RBM33: variants seen among roughly 807,000 people sequenced by gnomAD.
RBM33 encodes RNA-binding protein 33.
Under a neutral mutation model 132.6 loss-of-function variants are expected in RBM33, and 28 were observed. The ratio of observed to expected loss-of-function variants is 0.21; its 90% CI spans 0.16 to 0.29. RBM33 has a LOEUF of 0.29. Ranked by LOEUF, RBM33 falls within the 10% of genes least tolerant of loss-of-function variation. The pLI, the probability that RBM33 is intolerant of heterozygous loss-of-function variation, is 1.00. For missense variants in RBM33, 1,291 were observed against 1,518.5 expected (o/e 0.85, Z 2.49); for synonymous variants, 634 against 593.0 (o/e 1.07, Z -1.01).
chr7:155,692,766 A>G (rs1326872996), intron 5 of RBM33, among the ~76,000 whole-genome samples: 1 of 152,254 alleles, frequency 6.6e-6, no homozygotes, highest in Non-Finnish European at 1.5e-5. Flanking sequence ...TCTTGACAGT[A>G]TTAAAAGCTT....
intron 14 of RBM33, among the ~76,000 whole-genome samples, chr7:155,751,532 G>A (rs1347885230): frequency 1.3e-5 from 2 of 152,168 alleles, no homozygotes; most frequent in African/African-American, 4.8e-5. Context: ...TAAATCTGCT[G>A]TTTCTTGCCC....
intron 6 of RBM33, among the ~76,000 whole-genome samples, chr7:155,702,869 CCCCAGGTAGCT>C (rs1239594638): frequency 6.6e-6 from 1 of 152,158 alleles, no homozygotes; most frequent in Non-Finnish European, 1.5e-5. Context: ...ACTGAGAACT[CCCCAGGTAGCT>C]ACAAGTTCTA....
intron 14 of RBM33, among the ~76,000 whole-genome samples, chr7:155,747,655 T>G (rs76100612): frequency 1.3e-5 from 2 of 152,324 alleles, no homozygotes; most frequent in East Asian, 3.9e-4. Flanking sequence ...ACAAAGGAAT[T>G]TTTCATGAAA....
chr7:155,683,409 CTG>C (rs1799389544), intron 5 of RBM33, among the ~76,000 whole-genome samples: 1 of 152,128 alleles, frequency 6.6e-6, no homozygotes, highest in Non-Finnish European at 1.5e-5. Context: ...ACTTGTATAA[CTG>C]TGATTTTTGT....
chr7:155,724,990 T>TTGTGTGTGTGTGTGTG lies in RBM33; in HGVS notation c.1260+6579_1260+6594dup, dbSNP rs56739117. Among the ~76,000 whole-genome samples, 4 of 123,366 alleles carry TTGTGTGTGTGTGTGTG rather than the reference T, an allele frequency of 3.2e-5. No homozygotes were observed. In the East Asian group the frequency reaches 6.8e-4, roughly 21 times the overall value. The allele number at this position is 123,366 out of a possible 152,430, so 80.9% of individuals were successfully genotyped here. On this transcript the variant is annotated intron_variant, in intron 9 of 17. Coordinates refer to ENST00000401878, the MANE Select transcript of RBM33 (RefSeq NM_053043.3). ...TTGCTGTAAACATTTGTGTACAGGT[T>TTGTGTGTGTGTGTGTG]TGTGTGTGTGTGTGTGTGTGTGTGT...
At chr7:155,656,751 T>G (rs1168496933) in intron 1 of RBM33, among the ~76,000 whole-genome samples, 2 of 152,224 alleles carry the variant, frequency 1.3e-5, no homozygotes, top group East Asian at 3.9e-4. Context: ...TGCATTAACA[T>G]GTAATACTGA....
At chr7:155,737,448 G>A (rs1407264215) in intron 9 of RBM33, 82 bp from the exon 10 acceptor site, 11 of 1,418,660 alleles carry the variant, frequency 7.8e-6, no homozygotes, top group Non-Finnish European at 1.0e-5. Flanking sequence ...GGAAAACTTG[G>A]AACCAGGTCT....
At chr7:155,697,235 T>G (rs1414880563) in intron 5 of RBM33, among the ~76,000 whole-genome samples, 1 of 152,164 alleles carries the variant, frequency 6.6e-6, no homozygotes, top group Non-Finnish European at 1.5e-5. Flanking sequence ...ATTCTTCAGG[T>G]AAGATTTGAC....
At chr7:155,733,113 T>C (rs1801005680) in intron 9 of RBM33, among the ~76,000 whole-genome samples, 1 of 152,126 alleles carries the variant, frequency 6.6e-6, no homozygotes, top group African/African-American at 2.4e-5. Context: ...CTGTAGTGAT[T>C]TTGCATTTTG....
rs535138011 is a variant in RBM33, at chr7:155,677,133, T to A, written c.172-1475T>A. 2.0e-5 allele frequency among the ~76,000 whole-genome samples: 3 copies of A among 152,268 alleles called. No individual in the cohort carries two copies. The East Asian group carries it at 5.8e-4, about 29-fold the overall frequency. ...GCCTGGCTCATAGCTCTCACTTTCA[T>A]AATGGCATTTCCTTTCAGTCTCAGA... On this transcript the variant is annotated intron_variant, in intron 3 of 17. Coordinates refer to ENST00000401878, the MANE Select transcript of RBM33 (RefSeq NM_053043.3).
At chr7:155,681,784 G>A (rs1398073796) in intron 5 of RBM33, among the ~76,000 whole-genome samples, 1 of 152,122 alleles carries the variant, frequency 6.6e-6, no homozygotes, top group African/African-American at 2.4e-5. Flanking sequence ...TCATTCGGAG[G>A]AAGCTTTTGT....
At chr7:155,693,322 ATTTTTTTTTCTT>A (rs780778209) in intron 5 of RBM33, among the ~76,000 whole-genome samples, 32 of 116,738 alleles carry the variant, frequency 2.7e-4, no homozygotes, top group Non-Finnish European at 4.4e-4. Flanking sequence ...CACTCTTGTG[ATTTTTTTTTCTT>A]TTTTTTTTTC....
At chr7:155,772,982 A>G (rs1802479934) in intron 16 of RBM33, among the ~76,000 whole-genome samples, 1 of 152,224 alleles carries the variant, frequency 6.6e-6, no homozygotes. Flanking sequence ...GTTATTTCAT[A>G]TACAGTGTAA....
chr7:155,759,413 TTC>T (rs1265496953), intron 14 of RBM33, among the ~76,000 whole-genome samples: 1 of 140,390 alleles, frequency 7.1e-6, no homozygotes, highest in Non-Finnish European at 1.5e-5. Flanking sequence ...AATGTTTATG[TTC>T]TTTTTTTTTT....
chr7:155,673,942 T>TGTTGTTTG (rs780547846), intron 3 of RBM33, among the ~76,000 whole-genome samples: 1,490 of 31,294 alleles, frequency 0.048, 267 homozygotes, highest in East Asian at 0.12. Flanking sequence ...TAGGCTTAGT[T>TGTTGTTTG]TTTTTTTTTT....
At chr7:155,771,336 G>A (rs1021640214) in intron 16 of RBM33, among the ~76,000 whole-genome samples, 1 of 152,162 alleles carries the variant, frequency 6.6e-6, no homozygotes, top group African/African-American at 2.4e-5. Flanking sequence ...GTCAAAAATG[G>A]TTGAATATTG....
intron 7 of RBM33, among the ~76,000 whole-genome samples, chr7:155,709,245 C>T (rs931593531): frequency 1.3e-5 from 2 of 151,988 alleles, no homozygotes; most frequent in African/African-American, 4.8e-5. Context: ...AGGTACAGTG[C>T]ACTGTTACAG....
chr7:155,769,295 GA>G (rs1212471129), intron 16 of RBM33, among the ~76,000 whole-genome samples: 1 of 152,152 alleles, frequency 6.6e-6, no homozygotes, highest in Non-Finnish European at 1.5e-5. Flanking sequence ...AAAGAAGCAA[GA>G]AACCGTCATC....
intron 1 of RBM33, among the ~76,000 whole-genome samples, chr7:155,646,589 C>T (rs1012343672): frequency 6.6e-6 from 1 of 152,170 alleles, no homozygotes; most frequent in Non-Finnish European, 1.5e-5. Context: ...GCTCCTGTAC[C>T]CGCTCTTGCC....
Sources: gnomAD v4.1 joint callset for allele counts (sites outside exome capture counted in the v4.1 genomes callset) on GRCh38, gnomAD v4.1.1 for gene constraint, MANE v1.5 for transcripts, NCBI Gene and HGNC (gene_info 2026-07-23, HGNC 2026-07-21) for gene names.